The following TXNDC16 variants were observed in gnomAD, a reference collection of about 807,000 sequenced individuals.
TXNDC16 encodes thioredoxin domain containing 16.
In TXNDC16, 74 loss-of-function variants were observed where a neutral mutation model predicts 85.6. That is an observed-to-expected ratio of 0.86 (90% CI 0.72 to 1.05). The LOEUF is 1.05. TXNDC16 is among the 50% of genes least tolerant of loss of function. The pLI is 0.00. For missense variants in TXNDC16, 959 were observed against 947.0 expected (o/e 1.01, Z -0.17); for synonymous variants, 335 against 326.5 (o/e 1.03, Z -0.28).
intron 16 of TXNDC16, among the ~76,000 whole-genome samples, chr14:52,459,217 A>C (rs908408521): frequency 3.3e-5 from 5 of 152,198 alleles, no homozygotes; most frequent in Admixed American, 2.6e-4. Context: ...ACACACATAC[A>C]TACATCTGTT....
At chr14:52,452,540 T>C (rs747975182) in intron 18 of TXNDC16, among the ~76,000 whole-genome samples, 2 of 152,114 alleles carry the variant, frequency 1.3e-5, no homozygotes, top group Non-Finnish European at 2.9e-5. Flanking sequence ...ACATCTACAG[T>C]GAATTCGTTT....
At position 52,431,500 on chromosome 14, in the gene TXNDC16, T is replaced by C. The variant is rs1469222547; in HGVS notation, c.*804A>G. The C allele has an allele frequency of 6.6e-6, 1 of 152,186 alleles. No individual in the cohort carries two copies. Among genetic ancestry groups the C allele is most frequent in the East Asian group, 1.9e-4 (1 of 5,202 alleles). 9.4% of individuals were successfully genotyped at this position (152,186 alleles called of 1,614,324 possible). A position where few individuals can be genotyped will look rare whatever the true frequency, so the allele number is the denominator to read the frequency against. ...TAATACATATCTTTAATAGCCAAAA[T>C]TTTTTCAAACATGATACGTGAGCAG... On this transcript the variant is annotated 3_prime_UTR_variant, in exon 21 of 21. Coordinates refer to ENST00000281741, the MANE Select transcript of TXNDC16 (RefSeq NM_020784.3).
At chr14:52,476,495 A>G (rs1233974860) in intron 14 of TXNDC16, among the ~76,000 whole-genome samples, 4 of 152,148 alleles carry the variant, frequency 2.6e-5, no homozygotes, top group Admixed American at 1.3e-4. Context: ...ATAAAAATCA[A>G]TCAAACCCTC....
At chr14:52,457,861 A>G (rs2035568853) in intron 16 of TXNDC16, among the ~76,000 whole-genome samples, 1 of 152,224 alleles carries the variant, frequency 6.6e-6, no homozygotes, top group South Asian at 2.1e-4. Flanking sequence ...AATAATGACT[A>G]TCCTATAACC....
intron 16 of TXNDC16, 109 bp downstream of exon 16, chr14:52,469,925 ACTT>A: frequency 9.3e-7 from 1 of 1,070,692 alleles, no homozygotes; most frequent in Non-Finnish European, 1.3e-6. Context: ...TTTTCTTCAA[ACTT>A]CTCCATAATT....
At chr14:52,522,660 C>A (rs1353549139) in intron 6 of TXNDC16, among the ~76,000 whole-genome samples, 1 of 152,190 alleles carries the variant, frequency 6.6e-6, no homozygotes. Context: ...ATGCAGCTGT[C>A]CTCCTCAGAC....
chr14:52,439,766 A>G (rs1594678799), intron 19 of TXNDC16, among the ~76,000 whole-genome samples: 1 of 152,364 alleles, frequency 6.6e-6, no homozygotes, highest in East Asian at 1.9e-4. Context: ...TAACTAGAAG[A>G]TAACAAGATA....
At chr14:52,456,174 A>G (rs1418158947) in intron 17 of TXNDC16, among the ~76,000 whole-genome samples, 15 of 152,248 alleles carry the variant, frequency 9.9e-5, no homozygotes, top group Admixed American at 9.8e-4. Flanking sequence ...TATAGACATT[A>G]TAACAACATA....
intron 6 of TXNDC16, among the ~76,000 whole-genome samples, chr14:52,528,831 G>GTGTA (rs370156452): frequency 7.0e-6 from 1 of 142,286 alleles, no homozygotes; most frequent in Non-Finnish European, 1.5e-5. Flanking sequence ...TTATACCTAG[G>GTGTA]TATATATATA....
At chr14:52,512,881 A>G (rs1594744769) in intron 8 of TXNDC16, among the ~76,000 whole-genome samples, 1 of 152,142 alleles carries the variant, frequency 6.6e-6, no homozygotes, top group Non-Finnish European at 1.5e-5. Context: ...CATTCCTGTG[A>G]GCAAAACAGC....
intron 1 of TXNDC16, among the ~76,000 whole-genome samples, chr14:52,550,279 A>G (rs1355724526): frequency 1.3e-5 from 2 of 152,232 alleles, no homozygotes; most frequent in Non-Finnish European, 2.9e-5. Context: ...AAGTTCCCAT[A>G]AGAACATTCT....
chr14:52,519,307 A>G lies in TXNDC16; in HGVS notation c.393-14T>C, dbSNP rs751999707. On this transcript the variant is annotated splice_polypyrimidine_tract_variant and intron_variant, in intron 6 of 20. Transcript: ENST00000281741. The stretch of plus-strand genomic sequence containing the variant: ...AAAAGAAGAGCACTGAAATAAATAC[A>G]GATATAATTAGTAGAAAAATCTGAT... 8 of 1,564,448 alleles carry G rather than the reference A, an allele frequency of 5.1e-6. No individual in the cohort carries two copies. The highest frequency in any genetic ancestry group is 6.1e-6 in the Non-Finnish European group (7 of 1,146,230).
chr14:52,498,092 T>G (rs1442858691), intron 9 of TXNDC16, among the ~76,000 whole-genome samples: 1 of 152,010 alleles, frequency 6.6e-6, no homozygotes, highest in Non-Finnish European at 1.5e-5. Flanking sequence ...TTGAAAATAT[T>G]CAACACAATT....
intron 16 of TXNDC16, among the ~76,000 whole-genome samples, chr14:52,457,546 G>A (rs1425987107): frequency 6.6e-6 from 1 of 152,158 alleles, no homozygotes; most frequent in East Asian, 1.9e-4. Flanking sequence ...AGAGAAGTAG[G>A]TATGTGAAAT....
chr14:52,440,840 AT>A (rs2035148287), intron 18 of TXNDC16, 116 bp from the exon 19 acceptor site: 1 of 920,868 alleles, frequency 1.1e-6, no homozygotes, highest in African/African-American at 1.7e-5. Flanking sequence ...ATTCAAACAC[AT>A]TTTCACTTAA....
At chr14:52,474,067 A>G (rs2035966854) in intron 14 of TXNDC16, among the ~76,000 whole-genome samples, 1 of 152,240 alleles carries the variant, frequency 6.6e-6, no homozygotes, top group Non-Finnish European at 1.5e-5. Flanking sequence ...AACATAGTGA[A>G]TGAAAAGGAA....
intron 1 of TXNDC16, among the ~76,000 whole-genome samples, chr14:52,544,630 TTGAG>T (rs1401151763): frequency 6.6e-6 from 1 of 152,060 alleles, no homozygotes; most frequent in Admixed American, 6.5e-5. Flanking sequence ...TCATATTAAA[TTGAG>T]TATTTACTCT....
At chr14:52,472,270 T>A (rs532027952) in intron 14 of TXNDC16, among the ~76,000 whole-genome samples, 19 of 152,100 alleles carry the variant, frequency 1.2e-4, no homozygotes, top group Non-Finnish European at 1.5e-4. Context: ...TGATCTCGGC[T>A]CACTGCAACC....
chr14:52,464,331 C>A (rs2035722307), intron 16 of TXNDC16, among the ~76,000 whole-genome samples: 1 of 152,146 alleles, frequency 6.6e-6, no homozygotes, highest in African/African-American at 2.4e-5. Context: ...AGTTTTATGA[C>A]AAACGACAGT....
Sources: gnomAD v4.1 joint callset for allele counts (sites outside exome capture counted in the v4.1 genomes callset) on GRCh38, gnomAD v4.1.1 for gene constraint, MANE v1.5 for transcripts, NCBI Gene and HGNC (gene_info 2026-07-23, HGNC 2026-07-21) for gene names.